Variants in COL8A1 observed in about 807,000 individuals in gnomAD.
COL8A1 encodes collagen type VIII alpha 1 chain.
A neutral mutation model predicts 42.7 loss-of-function variants in COL8A1; 21 were observed. That is an observed-to-expected ratio of 0.49 (90% CI 0.35 to 0.71). The LOEUF is 0.71. Among genes scored for constraint, COL8A1 ranks in the 30% least tolerant of loss-of-function variants. COL8A1 has a pLI of 0.01. For synonymous variants in COL8A1, 367 were observed against 369.1 expected (o/e 0.99, Z 0.06); for missense variants, 788 against 962.4 (o/e 0.82, Z 2.40).
chr3:99,667,587 A>T (rs1297724269), intron 1 of COL8A1, among the ~76,000 whole-genome samples: 1 of 152,136 alleles, frequency 6.6e-6, no homozygotes, highest in Non-Finnish European at 1.5e-5. Flanking sequence ...TTTAGAGTGA[A>T]TTTGATCACT....
intron 1 of COL8A1, among the ~76,000 whole-genome samples, chr3:99,670,588 C>T (rs1938513455): frequency 6.6e-6 from 1 of 151,722 alleles, no homozygotes; most frequent in Non-Finnish European, 1.5e-5. Context: ...ATTAACATAC[C>T]CATCACTTCA....
At chr3:99,662,249 G>T (rs1290277397) in intron 1 of COL8A1, among the ~76,000 whole-genome samples, 1 of 152,130 alleles carries the variant, frequency 6.6e-6, no homozygotes, top group Non-Finnish European at 1.5e-5. Flanking sequence ...AGGCGTGGTG[G>T]TGAGTGCCTA....
At chr3:99,676,472 T>C (rs1042129540) in intron 1 of COL8A1, among the ~76,000 whole-genome samples, 3 of 152,038 alleles carry the variant, frequency 2.0e-5, no homozygotes, top group African/African-American at 7.2e-5. Flanking sequence ...ATTTACCACA[T>C]TAATAAAAAA....
At chr3:99,699,818 T>TACACAG (rs977271563) in intron 1 of COL8A1, among the ~76,000 whole-genome samples, 22 of 152,054 alleles carry the variant, frequency 1.4e-4, no homozygotes, top group African/African-American at 2.2e-4. Context: ...CACATACACA[T>TACACAG]ACACAGACAC....
At chr3:99,674,152 T>C (rs1938622734) in intron 1 of COL8A1, among the ~76,000 whole-genome samples, 1 of 152,022 alleles carries the variant, frequency 6.6e-6, no homozygotes, top group Non-Finnish European at 1.5e-5. Flanking sequence ...TGAATCCAAA[T>C]AACCCTTCCT....
chr3:99,645,358 G>A (rs1284262118), intron 1 of COL8A1, among the ~76,000 whole-genome samples: 1 of 152,138 alleles, frequency 6.6e-6, no homozygotes, highest in African/African-American at 2.4e-5. Flanking sequence ...CTAAGAATTT[G>A]TGAGTTAGGT....
At chr3:99,740,184 A>G (rs748545327) in intron 1 of COL8A1, among the ~76,000 whole-genome samples, 1 of 152,166 alleles carries the variant, frequency 6.6e-6, no homozygotes, top group Non-Finnish European at 1.5e-5. Flanking sequence ...AAGCCATTCA[A>G]CAAGTCTCTA....
At chr3:99,698,361 T>G (rs1159123258) in intron 1 of COL8A1, among the ~76,000 whole-genome samples, 1 of 152,216 alleles carries the variant, frequency 6.6e-6, no homozygotes, top group Non-Finnish European at 1.5e-5. Flanking sequence ...CAAATGGTAT[T>G]TCTAGTTCTA....
chr3:99,745,508 T>C (rs1465768625), intron 2 of COL8A1, among the ~76,000 whole-genome samples: 1 of 152,208 alleles, frequency 6.6e-6, no homozygotes. Context: ...TGTCTATATA[T>C]GTTTTTATAC....
At chr3:99,720,275 C>T (rs1197188527) in intron 1 of COL8A1, among the ~76,000 whole-genome samples, 8 of 152,046 alleles carry the variant, frequency 5.3e-5, no homozygotes, top group South Asian at 2.1e-4. Flanking sequence ...TAACTTTTTG[C>T]GCATTGGCTG....
chr3:99,645,145 G>T (rs961048256), intron 1 of COL8A1, among the ~76,000 whole-genome samples: 6 of 152,164 alleles, frequency 3.9e-5, no homozygotes, highest in Non-Finnish European at 7.4e-5. Context: ...ACACTCTGAC[G>T]ATAAGCCTAA....
chr3:99,796,482 G>A lies in COL8A1; in HGVS notation c.*346G>A, dbSNP rs534904588. 143 of 182,876 alleles carry A rather than the reference G, an allele frequency of 7.8e-4. 2 individuals carry two copies. The Middle Eastern group carries it at 0.011, about 15-fold the overall frequency. The allele number at this position is 182,876 out of a possible 1,614,324, so 11.3% of individuals were successfully genotyped here. A position where few individuals can be genotyped will look rare whatever the true frequency, so the allele number is the denominator to read the frequency against. On this transcript the variant is annotated 3_prime_UTR_variant, in exon 4 of 4. Coordinates refer to ENST00000652472, the MANE Select transcript of COL8A1 (RefSeq NM_020351.4). The stretch of plus-strand genomic sequence containing the variant: ...ATCAGTATGAAAGATCATAGCTAAT[G>A]AAAGGCACTCACTCATATTGTTTAC...
intron 1 of COL8A1, among the ~76,000 whole-genome samples, chr3:99,645,563 A>T (rs1457743500): frequency 6.6e-6 from 1 of 152,100 alleles, no homozygotes; most frequent in Admixed American, 6.5e-5. Flanking sequence ...GGGTGTCTCA[A>T]TAGAAACTGA....
At chr3:99,763,051 T>C (rs181995328) in intron 2 of COL8A1, among the ~76,000 whole-genome samples, 39 of 152,340 alleles carry the variant, frequency 2.6e-4, no homozygotes, top group African/African-American at 9.4e-4. Context: ...TCAAGATCCC[T>C]AGCTTCATAT....
At chr3:99,764,026 C>T (rs899650026) in intron 2 of COL8A1, among the ~76,000 whole-genome samples, 11 of 152,152 alleles carry the variant, frequency 7.2e-5, no homozygotes, top group East Asian at 1.9e-4. Context: ...AGAACTGTTT[C>T]GTTGGCTGAC....
chr3:99,733,058 G>A (rs1051595993), intron 1 of COL8A1, among the ~76,000 whole-genome samples: 16 of 150,840 alleles, frequency 1.1e-4, no homozygotes, highest in South Asian at 2.1e-4. Context: ...CAGCTCCCAC[G>A]GCCTTGGGCA....
At chr3:99,639,804 A>C (rs1937469747) in intron 1 of COL8A1, among the ~76,000 whole-genome samples, 1 of 152,234 alleles carries the variant, frequency 6.6e-6, no homozygotes. Context: ...ATTGCTCAAG[A>C]CCACTTAGAG....
chr3:99,681,424 C>T (rs1357623664), intron 1 of COL8A1, among the ~76,000 whole-genome samples: 2 of 152,020 alleles, frequency 1.3e-5, no homozygotes, highest in Non-Finnish European at 2.9e-5. Flanking sequence ...ACACCAGTGG[C>T]CTTGTTCCAT....
chr3:99,709,485 T>A (rs1177418913), intron 1 of COL8A1, among the ~76,000 whole-genome samples: 1 of 152,174 alleles, frequency 6.6e-6, no homozygotes, highest in Non-Finnish European at 1.5e-5. Flanking sequence ...TGGCTTACAG[T>A]TGGTGCTCAA....
Sources: allele counts gnomAD v4.1 joint callset (sites outside exome capture counted in the v4.1 genomes callset), GRCh38; gene constraint gnomAD v4.1.1; transcripts MANE v1.5; gene names NCBI Gene and HGNC (gene_info 2026-07-23, HGNC 2026-07-21).